DOCK4: variants seen among roughly 807,000 people sequenced by gnomAD.
DOCK4 encodes dedicator of cytokinesis 4, also known as dedicator of cytokinesis protein 4.
DOCK4 carries 97 observed loss-of-function variants against 268.1 expected under a neutral mutation model. That is an observed-to-expected ratio of 0.36 (90% CI 0.31 to 0.43). The LOEUF is 0.43. DOCK4 is among the 20% of genes least tolerant of loss of function. DOCK4 has a pLI of 1.00. For synonymous variants in DOCK4, 954 were observed against 887.2 expected, an observed-to-expected ratio of 1.08 and a Z score of -1.34; for missense variants, 2,145 against 2,455.7, an observed-to-expected ratio of 0.87 and a Z score of 2.67.
At chr7:111,844,600 T>A (rs1803946564) in intron 25 of DOCK4, among the ~76,000 whole-genome samples, 163 bp downstream of exon 25, 1 of 152,222 alleles carries the variant, frequency 6.6e-6, no homozygotes, top group African/African-American at 2.4e-5. Flanking sequence ...ATGTTTTATA[T>A]CTTGGTTTCC....
In DOCK4 at chr7:112,200,281, G is replaced by A. The variant is rs13247518; in HGVS notation, c.37+5821C>T. Among the ~76,000 whole-genome samples, 1,417 of 152,196 alleles carry A rather than the reference G, an allele frequency of 9.3e-3. 6 individuals carry two copies. Among genetic ancestry groups the A allele is most frequent in the Non-Finnish European group, 0.016 (1,077 of 67,978 alleles). On this transcript the variant is annotated intron_variant, in intron 1 of 52. Coordinates refer to ENST00000428084, the MANE Select transcript of DOCK4 (RefSeq NM_001363540.2). ...GTTTTAATTATATGTGTGTGGGGTG[G>A]TACTGGGGGATATTTATATATATAC...
chr7:112,058,129 T>C (rs1806015798), intron 1 of DOCK4, among the ~76,000 whole-genome samples: 2 of 151,466 alleles, frequency 1.3e-5, no homozygotes, highest in African/African-American at 4.9e-5. Context: ...TTTAGAAAAT[T>C]TTTTGGAGAG....
chr7:111,765,485 G>C (rs544150827), intron 38 of DOCK4, among the ~76,000 whole-genome samples: 2 of 152,324 alleles, frequency 1.3e-5, no homozygotes, highest in African/African-American at 4.8e-5. Context: ...GCTGTAGTTT[G>C]CTGATCCCTG....
intron 44 of DOCK4, among the ~76,000 whole-genome samples, chr7:111,743,274 C>T: frequency 6.6e-6 from 1 of 152,160 alleles, no homozygotes; most frequent in African/African-American, 2.4e-5. Context: ...CCTATATCAC[C>T]ACAAGGTTTT....
Position 111,976,974 on chromosome 7 carries a change from A to C in DOCK4, c.701+158T>G, listed in dbSNP as rs1169341383. 8 of 787,002 alleles carry C rather than the reference A, an allele frequency of 1.0e-5. No individual in the cohort carries two copies. In the East Asian group the frequency reaches 1.9e-4, roughly 19 times the overall value. The allele number at this position is 787,002 out of a possible 1,614,324, so 48.8% of individuals were successfully genotyped here. A position where few individuals can be genotyped will look rare whatever the true frequency, so the allele number is the denominator to read the frequency against. On this transcript the variant is annotated intron_variant, in intron 8 of 52. Transcript: ENST00000428084. ...TTCATCATCCCTCACAGAAACATCCAAAGAACAGGCAGCTTAGAAACTCAG... is the reference window on the plus strand; with the variant it reads ...TTCATCATCCCTCACAGAAACATCCCAAGAACAGGCAGCTTAGAAACTCAG...
chr7:112,155,999 A>T (rs1319275706), intron 1 of DOCK4, among the ~76,000 whole-genome samples: 2 of 152,138 alleles, frequency 1.3e-5, no homozygotes, highest in Non-Finnish European at 2.9e-5. Context: ...TAGAATTACG[A>T]CCTCACTCCA....
At chr7:111,940,348 C>T in intron 10 of DOCK4, 106 bp from the exon 11 acceptor site, 1 of 1,435,610 alleles carries the variant, frequency 7.0e-7, no homozygotes, top group Non-Finnish European at 9.7e-7. Flanking sequence ...TGTAATTGGG[C>T]AATAAAGAGC....
In DOCK4 at chr7:111,926,814, C is replaced by A. The variant is rs1001270076; in HGVS notation, c.1066+8726G>T. On this transcript the variant is annotated intron_variant, in intron 12 of 52. Coordinates refer to ENST00000428084, the MANE Select transcript of DOCK4 (RefSeq NM_001363540.2). ...ATGCCACTGCACTCCAGCCTGGCGA[C>A]AGCGTGAGGCAAAGAAAAAAGAAAG... is the stretch of plus-strand genomic sequence containing the variant. Among the ~76,000 whole-genome samples, 9 of 142,096 alleles carry A rather than the reference C, an allele frequency of 6.3e-5. No individual in the cohort carries two copies. The Admixed American group carries it at 6.7e-4, about 11-fold the overall frequency. 93.2% of individuals were successfully genotyped at this position (142,096 alleles called of 152,430 possible).
At chr7:112,198,557 A>G (rs1220604667) in intron 1 of DOCK4, among the ~76,000 whole-genome samples, 1 of 152,168 alleles carries the variant, frequency 6.6e-6, no homozygotes, top group Non-Finnish European at 1.5e-5. Context: ...AACCTGATTC[A>G]TGGACTTATC....
intron 24 of DOCK4, among the ~76,000 whole-genome samples, chr7:111,846,547 C>T (rs1453567170): frequency 1.3e-5 from 2 of 152,156 alleles, no homozygotes; most frequent in Admixed American, 6.5e-5. Context: ...GTAAGATACC[C>T]CTAATCTCCT....
chr7:112,052,464 C>T (rs983253207), intron 1 of DOCK4, among the ~76,000 whole-genome samples: 1 of 152,060 alleles, frequency 6.6e-6, no homozygotes, highest in South Asian at 2.1e-4. Context: ...TTCTTCCCCC[C>T]CTCACTTCGG....
intron 8 of DOCK4, among the ~76,000 whole-genome samples, chr7:111,949,361 C>A (rs567415756): frequency 3.9e-5 from 6 of 152,192 alleles, no homozygotes; most frequent in Admixed American, 6.5e-5. Flanking sequence ...CATCAAAATT[C>A]TGGAAAACAA....
intron 1 of DOCK4, among the ~76,000 whole-genome samples, chr7:112,056,061 T>C (rs1805788398): frequency 6.6e-6 from 1 of 152,122 alleles, no homozygotes; most frequent in Non-Finnish European, 1.5e-5. Context: ...CTATCTTGAA[T>C]CCAACTGTGC....
intron 12 of DOCK4, among the ~76,000 whole-genome samples, chr7:111,929,894 C>G (rs1164423344): frequency 6.6e-6 from 1 of 152,160 alleles, no homozygotes; most frequent in Non-Finnish European, 1.5e-5. Context: ...TATGAAAAGA[C>G]TTTGAAGTTT....
At chr7:111,973,405 T>G (rs1797891030) in intron 8 of DOCK4, among the ~76,000 whole-genome samples, 1 of 152,090 alleles carries the variant, frequency 6.6e-6, no homozygotes, top group East Asian at 1.9e-4. Context: ...GTCCACTGAT[T>G]TTAAACGTTT....
chr7:111,728,132 T>G lies in DOCK4; in HGVS notation c.*142A>C. On this transcript the variant is annotated 3_prime_UTR_variant, in exon 53 of 53. Coordinates refer to ENST00000428084, the MANE Select transcript of DOCK4 (RefSeq NM_001363540.2). Reference sequence around the variant, plus strand: ...CAGCAACTTTTAATATTGTGCAACATGATATTTAATAAGCAAGTTTTAATT... The same window carrying G: ...CAGCAACTTTTAATATTGTGCAACAGGATATTTAATAAGCAAGTTTTAATT... 1 of 583,342 alleles carries G rather than the reference T, an allele frequency of 1.7e-6. No individual in the cohort carries two copies. The highest frequency in any genetic ancestry group is 7.5e-5 in the South Asian group (1 of 13,268). The allele number at this position is 583,342 out of a possible 1,614,324, so 36.1% of individuals were successfully genotyped here.
At chr7:112,177,893 C>T (rs1249052178) in intron 1 of DOCK4, among the ~76,000 whole-genome samples, 1 of 152,158 alleles carries the variant, frequency 6.6e-6, no homozygotes, top group East Asian at 1.9e-4. Context: ...CTATGGACAC[C>T]ATGGGAAATC....
intron 1 of DOCK4, among the ~76,000 whole-genome samples, chr7:112,168,338 G>T (rs1395131949): frequency 6.6e-6 from 1 of 152,176 alleles, no homozygotes; most frequent in Non-Finnish European, 1.5e-5. Flanking sequence ...ACCTGGACAT[G>T]CTGTTTGGAG....
chr7:111,872,612 C>A, intron 17 of DOCK4, 48 bp from the exon 18 acceptor site: 1 of 1,458,402 alleles, frequency 6.9e-7, no homozygotes, highest in South Asian at 1.3e-5. Flanking sequence ...GAGAACAGGT[C>A]CTCACATGAA....
Sources: gnomAD v4.1 joint callset for allele counts (sites outside exome capture counted in the v4.1 genomes callset) on GRCh38, gnomAD v4.1.1 for gene constraint, MANE v1.5 for transcripts, NCBI Gene and HGNC (gene_info 2026-07-23, HGNC 2026-07-21) for gene names.